RBPMS: variants seen among roughly 807,000 people sequenced by gnomAD.
The protein encoded by RBPMS is RNA binding protein, mRNA processing factor.
Under a neutral mutation model 26.8 loss-of-function variants are expected in RBPMS, and 7 were observed. That is an observed-to-expected ratio of 0.26 (90% CI 0.15 to 0.49). RBPMS has a LOEUF of 0.49. RBPMS is among the 20% of genes least tolerant of loss of function. RBPMS has a pLI of 0.98. For synonymous variants in RBPMS, 96 were observed against 93.3 expected, an observed-to-expected ratio of 1.03 and a Z score of -0.17; for missense variants, 186 against 250.0, an observed-to-expected ratio of 0.74 and a Z score of 1.73.
At chr8:30,552,867 G>A (rs1281603375) in intron 6 of RBPMS, 1 of 152,230 alleles carries the variant, frequency 6.6e-6, no homozygotes, top group Non-Finnish European at 1.5e-5. Context: ...TGTACTCACA[G>A]TCCTAGGACC....
At chr8:30,566,704 G>A (rs916216102) in intron 8 of RBPMS, among the ~76,000 whole-genome samples, 2 of 152,192 alleles carry the variant, frequency 1.3e-5, no homozygotes, top group Non-Finnish European at 2.9e-5. Flanking sequence ...TTCCCTTTAA[G>A]CATCGCCTTT....
chr8:30,468,896 G>C (rs1343163983), intron 1 of RBPMS, among the ~76,000 whole-genome samples: 1 of 100,764 alleles, frequency 9.9e-6, no homozygotes, highest in Non-Finnish European at 2.1e-5. Context: ...GTTTACTCAA[G>C]AGTGTTTCAA....
At chr8:30,496,315 T>C (rs1272217758) in intron 4 of RBPMS, among the ~76,000 whole-genome samples, 6 of 151,998 alleles carry the variant, frequency 3.9e-5, no homozygotes, top group African/African-American at 7.3e-5. Context: ...ACTACAGGCG[T>C]CCGCCACCAC....
chr8:30,440,545 G>T lies in RBPMS; in HGVS notation c.67-34234G>T, dbSNP rs28664742. Among the ~76,000 whole-genome samples the T allele has an allele frequency of 3.9e-5, 6 of 152,172 alleles. No homozygotes were observed. The South Asian group carries it at 1.0e-3, about 26-fold the overall frequency. ...TTCCTTCCTTTTTAAGGCTTCCATC[G>T]TATTTTTCCATCCTTCTGTCAAATG... On this transcript the variant is annotated intron_variant, in intron 1 of 8. Coordinates refer to ENST00000397323, the MANE Select transcript of RBPMS (RefSeq NM_001008710.3).
intron 6 of RBPMS, chr8:30,544,902 T>C: frequency 6.7e-7 from 1 of 1,483,584 alleles, no homozygotes; most frequent in Non-Finnish European, 8.9e-7. Context: ...CCGGGGCAGG[T>C]TTATCCACCT....
At chr8:30,495,905 T>C (rs891654589) in intron 4 of RBPMS, among the ~76,000 whole-genome samples, 2 of 152,242 alleles carry the variant, frequency 1.3e-5, no homozygotes, top group South Asian at 2.1e-4. Flanking sequence ...GGAACTGTAA[T>C]GTCCTCACAC....
At chr8:30,541,812 C>T (rs1422954788) in intron 5 of RBPMS, among the ~76,000 whole-genome samples, 1 of 152,220 alleles carries the variant, frequency 6.6e-6, no homozygotes, top group Admixed American at 6.5e-5. Context: ...AGGGCTTGTG[C>T]TGTGGAAAAC....
chr8:30,542,913 T>C (rs1825535689), intron 5 of RBPMS, among the ~76,000 whole-genome samples: 1 of 152,212 alleles, frequency 6.6e-6, no homozygotes, highest in African/African-American at 2.4e-5. Context: ...GTAGATGCTG[T>C]GGACCTGATC....
At chr8:30,431,268 T>A (rs1446443203) in intron 1 of RBPMS, among the ~76,000 whole-genome samples, 2 of 152,178 alleles carry the variant, frequency 1.3e-5, no homozygotes, top group African/African-American at 4.8e-5. Context: ...ATAGGAAAGA[T>A]TGCCTTACTT....
chr8:30,489,605 C>T (rs1048269204), intron 4 of RBPMS, among the ~76,000 whole-genome samples: 9 of 151,894 alleles, frequency 5.9e-5, no homozygotes, highest in Admixed American at 1.3e-4. Flanking sequence ...CCGCCACGCC[C>T]GGCGAATTTT....
At chr8:30,517,070 A>G (rs1276147757) in intron 5 of RBPMS, among the ~76,000 whole-genome samples, 1 of 152,162 alleles carries the variant, frequency 6.6e-6, no homozygotes, top group East Asian at 1.9e-4. Flanking sequence ...CTATACAGAT[A>G]TACACATAGA....
chr8:30,421,515 A>G (rs2150623928), intron 1 of RBPMS, among the ~76,000 whole-genome samples: 1 of 152,344 alleles, frequency 6.6e-6, no homozygotes, highest in South Asian at 2.1e-4. Flanking sequence ...ATTTTCAAAT[A>G]TCATATTTAG....
At chr8:30,488,783 A>C (rs905732397) in intron 4 of RBPMS, among the ~76,000 whole-genome samples, 1 of 152,228 alleles carries the variant, frequency 6.6e-6, no homozygotes, top group Non-Finnish European at 1.5e-5. Context: ...TCTGCATAAC[A>C]TCAAGTGTTA....
intron 5 of RBPMS, among the ~76,000 whole-genome samples, chr8:30,518,781 C>T (rs1039099219): frequency 2.9e-5 from 4 of 135,964 alleles, no homozygotes; most frequent in African/African-American, 1.1e-4. Context: ...AATACAGGCA[C>T]ATGCATACAT....
At chr8:30,416,291 C>T (rs769175324) in intron 1 of RBPMS, among the ~76,000 whole-genome samples, 7 of 152,004 alleles carry the variant, frequency 4.6e-5, no homozygotes, top group Middle Eastern at 3.2e-3. Flanking sequence ...CTTATCCTAC[C>T]CTCTTGGTGA....
At chr8:30,408,767 A>C (rs552219196) in intron 1 of RBPMS, among the ~76,000 whole-genome samples, 1 of 152,358 alleles carries the variant, frequency 6.6e-6, no homozygotes, top group African/African-American at 2.4e-5. Flanking sequence ...TAGAATATTC[A>C]GAGCTGTGGA....
intron 5 of RBPMS, among the ~76,000 whole-genome samples, chr8:30,541,728 C>G (rs1825410181): frequency 6.6e-6 from 1 of 152,140 alleles, no homozygotes; most frequent in Admixed American, 6.5e-5. Context: ...AAAGTTTGAG[C>G]AGGATGGGCA....
chr8:30,385,581 A>T (rs1482124379), intron 1 of RBPMS, among the ~76,000 whole-genome samples: 1 of 151,996 alleles, frequency 6.6e-6, no homozygotes. Flanking sequence ...TCGTTAAAAG[A>T]TACCTCTATT....
intron 1 of RBPMS, among the ~76,000 whole-genome samples, chr8:30,417,342 A>G (rs1373890958): frequency 6.6e-6 from 1 of 152,192 alleles, no homozygotes; most frequent in Non-Finnish European, 1.5e-5. Flanking sequence ...GTGCTGATTC[A>G]CAGTGAACCT....
Sources: gnomAD v4.1 joint callset for allele counts (sites outside exome capture counted in the v4.1 genomes callset) on GRCh38, gnomAD v4.1.1 for gene constraint, MANE v1.5 for transcripts, NCBI Gene and HGNC (gene_info 2026-07-23, HGNC 2026-07-21) for gene names.